The following PCDHA5 variants were observed in gnomAD, a reference collection of about 807,000 sequenced individuals.
The protein encoded by PCDHA5 is protocadherin alpha 5, also known as protocadherin alpha-5.
Under a neutral mutation model 61.6 loss-of-function variants are expected in PCDHA5, and 43 were observed. That is an observed-to-expected ratio of 0.70 (90% CI 0.55 to 0.90). PCDHA5 has a LOEUF of 0.90. Ranked by LOEUF, PCDHA5 falls within the 40% of genes least tolerant of loss-of-function variation. The pLI is 0.00. For synonymous variants in PCDHA5, 627 were observed against 543.9 expected (o/e 1.15, Z -2.13); for missense variants, 1,298 against 1,222.7 (o/e 1.06, Z -0.92).
chr5:140,985,801 A>G (rs2097171670), intron 3 of PCDHA5, among the ~76,000 whole-genome samples: 1 of 135,588 alleles, frequency 7.4e-6, no homozygotes, highest in Admixed American at 8.6e-5. Flanking sequence ...GTGCAGTGGC[A>G]CGATCTCAGC....
intron 3 of PCDHA5, among the ~76,000 whole-genome samples, chr5:141,000,001 T>C (rs2097888294): frequency 6.6e-6 from 1 of 152,030 alleles, no homozygotes; most frequent in African/African-American, 2.4e-5. Flanking sequence ...TGGTATTAGA[T>C]TGGCCTCCCC....
At chr5:140,853,678 A>G (rs2042828793) in intron 1 of PCDHA5, 4 of 988,418 alleles carry the variant, frequency 4.0e-6, no homozygotes, top group Non-Finnish European at 3.7e-6. Flanking sequence ...CCTATGGTCA[A>G]CCTATCCTTA....
Position 140,907,311 on chromosome 5 carries a change from T to C in PCDHA5, c.2353-71638T>C, listed in dbSNP as rs534638330. Among the ~76,000 whole-genome samples the C allele has an allele frequency of 5.9e-5, 9 of 152,292 alleles. No individual in the cohort carries two copies. The East Asian group carries it at 1.7e-3, about 29-fold the overall frequency. On this transcript the variant is annotated intron_variant, in intron 1 of 3. Coordinates refer to ENST00000529859, the MANE Select transcript of PCDHA5 (RefSeq NM_018908.3). Reference sequence around the variant, plus strand: ...AGCTGCTTCAGGATGATGGGGAACATGTAAAGACCAGTGAATTCCATATGC... The same window carrying C: ...AGCTGCTTCAGGATGATGGGGAACACGTAAAGACCAGTGAATTCCATATGC...
chr5:140,966,665 G>A, intron 1 of PCDHA5: 1 of 1,258,258 alleles, frequency 7.9e-7, no homozygotes. Flanking sequence ...GGGGGAGCAG[G>A]CGCAGGGTGG....
chr5:140,965,672 A>G (rs1586083629), intron 1 of PCDHA5, among the ~76,000 whole-genome samples: 1 of 152,360 alleles, frequency 6.6e-6, no homozygotes, highest in South Asian at 2.1e-4. Context: ...TGATAAATGT[A>G]AAAGATTTGA....
intron 1 of PCDHA5, among the ~76,000 whole-genome samples, chr5:140,901,445 C>T (rs1207516323): frequency 6.6e-6 from 1 of 152,074 alleles, no homozygotes; most frequent in Admixed American, 6.6e-5. Context: ...ATCTAGTTTC[C>T]CAGCACAGAC....
At chr5:140,929,153 A>T in intron 1 of PCDHA5, 1 of 1,614,164 alleles carries the variant, frequency 6.2e-7, no homozygotes, top group African/African-American at 1.3e-5. Context: ...TCTCAGACTT[A>T]TCTCTATCGG....
intron 1 of PCDHA5, chr5:140,968,375 T>G: frequency 6.2e-7 from 1 of 1,614,098 alleles, no homozygotes; most frequent in Non-Finnish European, 8.5e-7. Context: ...TGTCAACTCC[T>G]TTGACTATGA....
intron 1 of PCDHA5, among the ~76,000 whole-genome samples, chr5:140,881,723 A>G (rs2058808704): frequency 6.6e-6 from 1 of 152,172 alleles, no homozygotes; most frequent in South Asian, 2.1e-4. Flanking sequence ...GGAGGTCTTG[A>G]AAAATATTAC....
chr5:140,883,724 G>T (rs1174982763), intron 1 of PCDHA5: 2 of 1,613,492 alleles, frequency 1.2e-6, no homozygotes, highest in Non-Finnish European at 1.7e-6. Context: ...GGACGCACAG[G>T]AGAACGCGCT....
At chr5:140,870,077 G>T (rs2051636689) in intron 1 of PCDHA5, 1 of 1,613,688 alleles carries the variant, frequency 6.2e-7, no homozygotes, top group African/African-American at 1.3e-5. Context: ...ACAGATAAGG[G>T]GACTCCCCCA....
At chr5:140,971,632 A>G (rs1228797401) in intron 1 of PCDHA5, among the ~76,000 whole-genome samples, 2 of 152,158 alleles carry the variant, frequency 1.3e-5, no homozygotes, top group Admixed American at 6.5e-5. Context: ...AATTAGTACC[A>G]TGTGCCTACA....
chr5:140,856,900 C>A, intron 1 of PCDHA5: 1 of 1,596,130 alleles, frequency 6.3e-7, no homozygotes, highest in Non-Finnish European at 8.6e-7. Flanking sequence ...GCTCTTTGGT[C>A]CCACCCACGA....
chr5:140,906,382 G>A (rs1384682039), intron 1 of PCDHA5, among the ~76,000 whole-genome samples: 2 of 152,072 alleles, frequency 1.3e-5, no homozygotes, highest in Non-Finnish European at 2.9e-5. Context: ...ATTACATAAA[G>A]TTAACATTTA....
At chr5:140,921,301 C>T (rs1227923324) in intron 1 of PCDHA5, among the ~76,000 whole-genome samples, 1 of 151,954 alleles carries the variant, frequency 6.6e-6, no homozygotes. Flanking sequence ...TTGCTGAATG[C>T]CATTGTATTA....
rs183311315 is a variant in PCDHA5, at chr5:140,913,513, T to C, written c.2353-65436T>C. ...AGTCTGTTTAAAACTTTGTCAATTTTATTTATCTTTTCAAAAGATTGACTT... is the reference window on the plus strand; with the variant it reads ...AGTCTGTTTAAAACTTTGTCAATTTCATTTATCTTTTCAAAAGATTGACTT... On this transcript the variant is annotated intron_variant, in intron 1 of 3. Coordinates refer to ENST00000529859, the MANE Select transcript of PCDHA5 (RefSeq NM_018908.3). Among the ~76,000 whole-genome samples, 393 of 152,272 alleles carry C rather than the reference T, an allele frequency of 2.6e-3. 2 individuals are homozygous for C. The highest frequency in any genetic ancestry group is 9.2e-3 in the African/African-American group (382 of 41,572).
chr5:140,828,138 T>A (rs2150151301), intron 1 of PCDHA5: 1 of 1,613,970 alleles, frequency 6.2e-7, no homozygotes, highest in Non-Finnish European at 8.5e-7. Context: ...TGTCTGCTCC[T>A]CCCGCTTCTG....
chr5:140,871,656 A>C, intron 1 of PCDHA5: 1 of 1,231,284 alleles, frequency 8.1e-7, no homozygotes, highest in Non-Finnish European at 1.1e-6. Flanking sequence ...AATGATACAC[A>C]TCTTCAGTCT....
At chr5:140,925,408 G>C (rs2082482597) in intron 1 of PCDHA5, among the ~76,000 whole-genome samples, 1 of 152,058 alleles carries the variant, frequency 6.6e-6, no homozygotes, top group Non-Finnish European at 1.5e-5. Flanking sequence ...TCCTTCTTAG[G>C]GAAAGGAACT....
Sources: allele counts gnomAD v4.1 joint callset (sites outside exome capture counted in the v4.1 genomes callset), GRCh38; gene constraint gnomAD v4.1.1; transcripts MANE v1.5; gene names NCBI Gene and HGNC (gene_info 2026-07-23, HGNC 2026-07-21).